Variants in MGMT observed in about 807,000 individuals in gnomAD.
The protein encoded by MGMT is methylated-DNA--protein-cysteine methyltransferase.
Under a neutral mutation model 15.9 loss-of-function variants are expected in MGMT, and 14 were observed. That is an observed-to-expected ratio of 0.88 (90% CI 0.58 to 1.37). The LOEUF (loss-of-function observed/expected upper bound fraction) is 1.37, where lower values mean the gene tolerates loss of function less well. Among genes scored for constraint, MGMT ranks in the 40% most tolerant of loss-of-function variants. The pLI, the probability that MGMT is intolerant of heterozygous loss-of-function variation, is 0.00. For synonymous variants in MGMT, 130 were observed against 118.2 expected, an observed-to-expected ratio of 1.10 and a Z score of -0.65; for missense variants, 282 against 268.1, an observed-to-expected ratio of 1.05 and a Z score of -0.36.
chr10:129,553,342 G>A (rs11592702), intron 2 of MGMT, among the ~76,000 whole-genome samples: 18 of 152,148 alleles, frequency 1.2e-4, no homozygotes, highest in Non-Finnish European at 1.9e-4. Context: ...TCATTGTGGT[G>A]CAAAGGAAAC....
At chr10:129,524,404 C>T (rs1427755502) in intron 1 of MGMT, among the ~76,000 whole-genome samples, 1 of 152,180 alleles carries the variant, frequency 6.6e-6, no homozygotes, top group Non-Finnish European at 1.5e-5. Flanking sequence ...CTGCCATGCA[C>T]CGTGCGTGTA....
At chr10:129,581,540 G>A (rs1035251576) in intron 2 of MGMT, among the ~76,000 whole-genome samples, 1 of 152,196 alleles carries the variant, frequency 6.6e-6, no homozygotes, top group Non-Finnish European at 1.5e-5. Context: ...AACTAGAGAT[G>A]ATGCAGGAAC....
chr10:129,525,623 G>A (rs58315061), intron 1 of MGMT, among the ~76,000 whole-genome samples: 6,840 of 152,104 alleles, frequency 0.045, 547 homozygotes, highest in African/African-American at 0.16. Context: ...GGTGCTGTGC[G>A]GTGCGGGGCC....
intron 4 of MGMT, 30 bp from the exon 5 acceptor site, chr10:129,766,754 CCTGA>C (rs1397372518): frequency 2.5e-6 from 4 of 1,589,960 alleles, no homozygotes; most frequent in South Asian, 2.3e-5. Flanking sequence ...TGTCCAGATC[CCTGA>C]CTGACAGTGG....
chr10:129,631,799 G>A (rs923195822), intron 2 of MGMT, among the ~76,000 whole-genome samples: 7 of 152,126 alleles, frequency 4.6e-5, no homozygotes, highest in Admixed American at 1.3e-4. Flanking sequence ...ACCCCAGCCT[G>A]GATGACAGAG....
chr10:129,690,797 C>T (rs1354110500), intron 2 of MGMT, among the ~76,000 whole-genome samples: 1 of 152,160 alleles, frequency 6.6e-6, no homozygotes, highest in Middle Eastern at 3.2e-3. Flanking sequence ...GCTTGGGATT[C>T]AGCCAGGACA....
intron 3 of MGMT, among the ~76,000 whole-genome samples, chr10:129,749,340 A>G (rs527360755): frequency 2.0e-5 from 3 of 152,160 alleles, no homozygotes; most frequent in East Asian, 1.9e-4. Flanking sequence ...TTTTCTGTCT[A>G]TATAGTTTTG....
intron 2 of MGMT, among the ~76,000 whole-genome samples, chr10:129,546,693 C>T (rs1485832271): frequency 6.6e-6 from 1 of 152,026 alleles, no homozygotes; most frequent in Non-Finnish European, 1.5e-5. Flanking sequence ...CAGAGCTCCC[C>T]GGAGAGGAGC....
At chr10:129,690,461 G>T (rs560889980) in intron 2 of MGMT, among the ~76,000 whole-genome samples, 46 of 152,330 alleles carry the variant, frequency 3.0e-4, no homozygotes, top group Non-Finnish European at 5.6e-4. Flanking sequence ...GTCCATTGCT[G>T]TGAGTAATAT....
At chr10:129,484,201 A>C (rs1230154286) in intron 1 of MGMT, among the ~76,000 whole-genome samples, 2 of 152,082 alleles carry the variant, frequency 1.3e-5, no homozygotes, top group Non-Finnish European at 2.9e-5. Flanking sequence ...ATGTCACTGA[A>C]TATTTCTTCA....
intron 2 of MGMT, among the ~76,000 whole-genome samples, chr10:129,615,581 C>T (rs1050730092): frequency 1.3e-5 from 2 of 152,232 alleles, no homozygotes; most frequent in African/African-American, 4.8e-5. Flanking sequence ...ACATTCCTCA[C>T]CCTCTGCCCC....
chr10:129,716,157 C>G (rs1564771888), intron 3 of MGMT, among the ~76,000 whole-genome samples: 3 of 152,136 alleles, frequency 2.0e-5, no homozygotes, highest in Admixed American at 1.3e-4. Context: ...AAAGAAAGTC[C>G]TTTTTTGAAA....
chr10:129,725,955 A>T (rs901376691), intron 3 of MGMT, among the ~76,000 whole-genome samples: 2 of 152,122 alleles, frequency 1.3e-5, no homozygotes, highest in Admixed American at 1.3e-4. Flanking sequence ...ACTTCCCTTC[A>T]TCTTCCACCA....
At chr10:129,680,620 A>G (rs996042801) in intron 2 of MGMT, among the ~76,000 whole-genome samples, 1 of 142,550 alleles carries the variant, frequency 7.0e-6, no homozygotes, top group Non-Finnish European at 1.6e-5. Flanking sequence ...CAGGAATTCT[A>G]CCGACTTTGG....
chr10:129,643,447 G>A (rs1238792358), intron 2 of MGMT, among the ~76,000 whole-genome samples: 8 of 152,178 alleles, frequency 5.3e-5, no homozygotes, highest in African/African-American at 1.7e-4. Flanking sequence ...AGGTTCAAAG[G>A]CAGAGAGCCT....
chr10:129,654,512 T>A (rs1472495194), intron 2 of MGMT, among the ~76,000 whole-genome samples: 1 of 152,144 alleles, frequency 6.6e-6, no homozygotes, highest in Non-Finnish European at 1.5e-5. Flanking sequence ...GCCTGCATCC[T>A]TTGACCGTCA....
intron 2 of MGMT, among the ~76,000 whole-genome samples, chr10:129,597,539 T>C (rs897267085): frequency 1.3e-5 from 2 of 152,156 alleles, no homozygotes; most frequent in African/African-American, 4.8e-5. Context: ...AGAAGAAATA[T>C]GTATGAAATT....
intron 3 of MGMT, among the ~76,000 whole-genome samples, chr10:129,735,947 CT>C (rs1848555491): frequency 1.7e-5 from 1 of 58,606 alleles, no homozygotes; most frequent in African/African-American, 6.7e-5. Flanking sequence ...AATTTCTGTT[CT>C]TTTACATTTG....
chr10:129,633,620 A>G (rs996406594), intron 2 of MGMT, among the ~76,000 whole-genome samples: 18 of 152,234 alleles, frequency 1.2e-4, no homozygotes, highest in Non-Finnish European at 2.2e-4. Context: ...CAATACAGGA[A>G]AGCAAAAGAA....
Sources: allele counts gnomAD v4.1 joint callset (sites outside exome capture counted in the v4.1 genomes callset), GRCh38; gene constraint gnomAD v4.1.1; transcripts MANE v1.5; gene names NCBI Gene and HGNC (gene_info 2026-07-23, HGNC 2026-07-21).